Variants in SRSF12 observed in about 807,000 individuals in gnomAD.
SRSF12 encodes serine/arginine-rich splicing factor 12.
Under a neutral mutation model 34.1 loss-of-function variants are expected in SRSF12, and 21 were observed. The observed-to-expected ratio is 0.62, with a 90% CI of 0.44 to 0.89. The LOEUF is 0.89. Ranked by LOEUF, SRSF12 falls within the 40% of genes least tolerant of loss-of-function variation. The probability of loss-of-function intolerance (pLI) is 0.00; values close to 1 mark genes in which losing one functional copy is unlikely to be tolerated. For missense variants in SRSF12, 278 were observed against 327.8 expected, an observed-to-expected ratio of 0.85 and a Z score of 1.17; for synonymous variants, 111 against 110.8, an observed-to-expected ratio of 1.00 and a Z score of -0.01.
intron 4 of SRSF12, among the ~76,000 whole-genome samples, chr6:89,099,393 T>G (rs1562191574): frequency 1.4e-5 from 1 of 69,996 alleles, no homozygotes; most frequent in Non-Finnish European, 3.2e-5. Flanking sequence ...CAGCTCTCTC[T>G]CTCTCTCTCC....
Position 89,105,152 on chromosome 6 carries a change from C to G in SRSF12, c.383G>C (p.Gly128Ala). Residue 128 changes from glycine to alanine, a missense_variant, in exon 4 of 5, where the codon GGA becomes GCA. Coordinates refer to ENST00000452027, the MANE Select transcript of SRSF12 (RefSeq NM_080743.5). ...GCTGTCTGACCGCCTCCTATTTCTT[C>G]CCCATGAAGAACTTCTACTTCGAGT... ...RRTRSRSSSW[G>A]RNRRRSDSLK... 1 of 1,612,666 alleles carries G rather than the reference C, an allele frequency of 6.2e-7. No homozygotes were observed. Among genetic ancestry groups the G allele is most frequent in the Non-Finnish European group, 8.5e-7 (1 of 1,179,202 alleles).
chr6:89,098,005 T>A lies in SRSF12; in HGVS notation c.*573A>T, dbSNP rs1472709089. The A allele has an allele frequency of 6.6e-6, 1 of 152,314 alleles. No individual in the cohort carries two copies. The highest frequency in any genetic ancestry group is 1.5e-5 in the Non-Finnish European group (1 of 68,130). 9.4% of individuals were successfully genotyped at this position (152,314 alleles called of 1,614,324 possible). The stretch of plus-strand genomic sequence containing the variant: ...TATACTGTTCTACCCAATAAAAATA[T>A]AACCTTTGAGCTTAGGAGAGAATGT... On this transcript the variant is annotated 3_prime_UTR_variant, in exon 5 of 5. Transcript: ENST00000452027.
chr6:89,099,407 T>C (rs1478815396), intron 4 of SRSF12, among the ~76,000 whole-genome samples: 1 of 89,554 alleles, frequency 1.1e-5, no homozygotes, highest in Non-Finnish European at 2.6e-5. Context: ...TCTCTCCATA[T>C]ATATATACAT....
At chr6:89,100,202 A>C (rs937162939) in intron 4 of SRSF12, among the ~76,000 whole-genome samples, 1 of 152,170 alleles carries the variant, frequency 6.6e-6, no homozygotes, top group African/African-American at 2.4e-5. Flanking sequence ...ACCAGCAAAA[A>C]ACCGGAATTC....
chr6:89,098,701 T>C lies in SRSF12; in HGVS notation c.663A>G (p.Ala221=), dbSNP rs1173248815. Residue 221 remains alanine, a synonymous_variant, in exon 5 of 5, where the codon GCA becomes GCG. Coordinates refer to ENST00000452027, the MANE Select transcript of SRSF12 (RefSeq NM_080743.5). ...RSHGRHSDSI[A]RSPCKSPKGY... is the part of the protein sequence containing the mutation. ...CTTTGGGAGATTTACACGGGGATCTTGCTATTGAGTCAGAATGTCTTCCAT... is the reference window on the plus strand; with the variant it reads ...CTTTGGGAGATTTACACGGGGATCTCGCTATTGAGTCAGAATGTCTTCCAT... 2.0e-5 allele frequency: 32 copies of C among 1,613,854 alleles called. No individual in the cohort carries two copies. Among genetic ancestry groups the C allele is most frequent in the Non-Finnish European group, 2.7e-5 (32 of 1,179,890 alleles).
At chr6:89,105,322 A>G (rs1017497775) in intron 3 of SRSF12, 62 bp from the exon 4 acceptor site, 2 of 1,568,376 alleles carry the variant, frequency 1.3e-6, no homozygotes, top group South Asian at 2.3e-5. Context: ...AGTAACAACC[A>G]CTCAACTAGC....
intron 4 of SRSF12, among the ~76,000 whole-genome samples, chr6:89,100,558 T>G (rs926664931): frequency 6.7e-6 from 1 of 148,472 alleles, no homozygotes; most frequent in Non-Finnish European, 1.5e-5. Context: ...AACTAAAAAC[T>G]AAGGAAAATA....
chr6:89,116,151 T>TA (rs1398006108), intron 1 of SRSF12, among the ~76,000 whole-genome samples: 3 of 152,212 alleles, frequency 2.0e-5, no homozygotes, highest in Non-Finnish European at 4.4e-5. Context: ...TTCTATTTGA[T>TA]AGTCCACACC....
At chr6:89,112,910 T>C (rs1769125737) in intron 1 of SRSF12, among the ~76,000 whole-genome samples, 1 of 152,166 alleles carries the variant, frequency 6.6e-6, no homozygotes, top group Non-Finnish European at 1.5e-5. Context: ...TATGTTTAGA[T>C]ACATGTAGGT....
chr6:89,112,176 A>G (rs1230657005), intron 1 of SRSF12, among the ~76,000 whole-genome samples: 1 of 152,034 alleles, frequency 6.6e-6, no homozygotes, highest in Non-Finnish European at 1.5e-5. Flanking sequence ...TCGGCCTCCC[A>G]AAGTGCTGGA....
chr6:89,115,616 T>C (rs1458814036), intron 1 of SRSF12, among the ~76,000 whole-genome samples: 1 of 144,356 alleles, frequency 6.9e-6, no homozygotes, highest in African/African-American at 2.6e-5. Flanking sequence ...ACAAATGGGG[T>C]TTTCTTTTTT....
intron 1 of SRSF12, among the ~76,000 whole-genome samples, chr6:89,107,518 C>T (rs184151584): frequency 5.9e-4 from 89 of 152,084 alleles, no homozygotes; most frequent in African/African-American, 2.1e-3. Flanking sequence ...TCACTTGAAC[C>T]CAGGAGTTCA....
At chr6:89,100,258 T>TGA (rs898378446) in intron 4 of SRSF12, among the ~76,000 whole-genome samples, 19 of 152,182 alleles carry the variant, frequency 1.2e-4, no homozygotes, top group Admixed American at 7.2e-4. Flanking sequence ...CACACAGTGC[T>TGA]GAGAGAGAGA....
intron 1 of SRSF12, among the ~76,000 whole-genome samples, chr6:89,113,722 C>T (rs1769162797): frequency 6.6e-6 from 1 of 152,204 alleles, no homozygotes; most frequent in South Asian, 2.1e-4. Flanking sequence ...TGACTCACTG[C>T]AGCCTCGACC....
chr6:89,117,209 G>T (rs188246400), intron 1 of SRSF12, among the ~76,000 whole-genome samples: 1 of 152,274 alleles, frequency 6.6e-6, no homozygotes, highest in African/African-American at 2.4e-5. Flanking sequence ...GTTAATACTG[G>T]ACTCAGAACT....
chr6:89,100,405 A>C (rs574429683), intron 4 of SRSF12, among the ~76,000 whole-genome samples: 118 of 152,322 alleles, frequency 7.7e-4, no homozygotes, highest in Non-Finnish European at 1.2e-3. Context: ...CCCAAAACCA[A>C]GCCTTAAGAT....
intron 1 of SRSF12, among the ~76,000 whole-genome samples, chr6:89,114,836 G>A (rs1385233578): frequency 6.6e-6 from 1 of 151,996 alleles, no homozygotes; most frequent in Non-Finnish European, 1.5e-5. Context: ...TCGCCCTGTC[G>A]CCCAGGCTGG....
intron 4 of SRSF12, among the ~76,000 whole-genome samples, chr6:89,103,212 T>C (rs1768617686): frequency 6.6e-6 from 1 of 152,220 alleles, no homozygotes. Flanking sequence ...TCAAGTATTA[T>C]ACTTTACTTC....
intron 1 of SRSF12, among the ~76,000 whole-genome samples, chr6:89,112,448 T>C (rs919813515): frequency 1.6e-5 from 2 of 128,584 alleles, no homozygotes; most frequent in Non-Finnish European, 3.2e-5. Flanking sequence ...CTTTTCTTTC[T>C]TTTTTTTTTT....
Sources: gnomAD v4.1 joint callset for allele counts (sites outside exome capture counted in the v4.1 genomes callset) on GRCh38, gnomAD v4.1.1 for gene constraint, MANE v1.5 for transcripts, NCBI Gene and HGNC (gene_info 2026-07-23, HGNC 2026-07-21) for gene names.